Variants in MACROD2 observed in about 807,000 individuals in gnomAD.
The protein encoded by MACROD2 is mono-ADP ribosylhydrolase 2, also known as ADP-ribose glycohydrolase MACROD2.
MACROD2 carries 36 observed loss-of-function variants against 70.4 expected under a neutral mutation model. The ratio of observed to expected loss-of-function variants is 0.51; its 90% CI spans 0.39 to 0.68. MACROD2 has a LOEUF of 0.68. Among genes scored for constraint, MACROD2 ranks in the 30% least tolerant of loss-of-function variants. The pLI is 0.00. For missense variants in MACROD2, 496 were observed against 538.4 expected, an observed-to-expected ratio of 0.92 and a Z score of 0.78; for synonymous variants, 172 against 178.8, an observed-to-expected ratio of 0.96 and a Z score of 0.30.
At chr20:14,891,584 T>C (rs541053950) in intron 5 of MACROD2, among the ~76,000 whole-genome samples, 1 of 152,304 alleles carries the variant, frequency 6.6e-6, no homozygotes, top group African/African-American at 2.4e-5. Flanking sequence ...TTGGTTTCAT[T>C]TTCTATGCTC....
chr20:15,048,106 A>AAATC, intron 5 of MACROD2, among the ~76,000 whole-genome samples: 1 of 150,486 alleles, frequency 6.6e-6, no homozygotes, highest in Non-Finnish European at 1.5e-5. Flanking sequence ...TCTAGTAAAT[A>AAATC]AATAAATAAA....
intron 5 of MACROD2, among the ~76,000 whole-genome samples, chr20:15,171,965 A>G (rs1042504604): frequency 4.6e-5 from 7 of 152,228 alleles, no homozygotes; most frequent in Non-Finnish European, 8.8e-5. Flanking sequence ...TAAATAAATG[A>G]GTGAATGAAT....
At chr20:15,710,015 A>G (rs968643541) in intron 8 of MACROD2, among the ~76,000 whole-genome samples, 3 of 152,086 alleles carry the variant, frequency 2.0e-5, no homozygotes, top group Admixed American at 6.5e-5. Flanking sequence ...TTTAGCTTCT[A>G]CAGACTCTGA....
At chr20:14,793,215 A>G (rs2072470633) in intron 5 of MACROD2, among the ~76,000 whole-genome samples, 1 of 151,872 alleles carries the variant, frequency 6.6e-6, no homozygotes, top group Non-Finnish European at 1.5e-5. Context: ...GGAAGAATAT[A>G]TCTTTATCAG....
chr20:14,175,076 G>A, intron 3 of MACROD2, among the ~76,000 whole-genome samples: 1 of 152,146 alleles, frequency 6.6e-6, no homozygotes, highest in Non-Finnish European at 1.5e-5. Context: ...TTCTTCAAAG[G>A]GTCTCTGGAT....
chr20:14,465,576 A>T (rs1252628630), intron 3 of MACROD2, among the ~76,000 whole-genome samples: 1 of 152,048 alleles, frequency 6.6e-6, no homozygotes, highest in African/African-American at 2.4e-5. Flanking sequence ...TCCTGTCATT[A>T]TGATGTTAGC....
chr20:15,771,047 C>T (rs2051616108), intron 8 of MACROD2, among the ~76,000 whole-genome samples: 1 of 152,104 alleles, frequency 6.6e-6, no homozygotes, highest in Non-Finnish European at 1.5e-5. Flanking sequence ...TTTCCACATT[C>T]TGCTACAAAT....
At chr20:14,167,535 C>G (rs1033492810) in intron 3 of MACROD2, among the ~76,000 whole-genome samples, 3 of 151,850 alleles carry the variant, frequency 2.0e-5, no homozygotes, top group African/African-American at 4.8e-5. Context: ...AGGCGCCCAC[C>G]ACCATGCCCA....
At chr20:15,822,444 G>A (rs1360652012) in intron 8 of MACROD2, among the ~76,000 whole-genome samples, 1 of 152,064 alleles carries the variant, frequency 6.6e-6, no homozygotes, top group Non-Finnish European at 1.5e-5. Context: ...AATATACCAT[G>A]TTTGAAGTCA....
At position 14,614,429 on chromosome 20, in the gene MACROD2, CTGGGAGCAATTGAAAT is replaced by C. The variant is rs1983356618; in HGVS notation, c.302-70402_302-70387del. Among the ~76,000 whole-genome samples, 6 of 152,048 alleles carry C rather than the reference CTGGGAGCAATTGAAAT, an allele frequency of 3.9e-5. No homozygotes were observed. In the South Asian group the frequency reaches 1.2e-3, roughly 32 times the overall value. Reference sequence around the variant, plus strand: ...GAATCTTTGGGGGTGGGGCCCAGTACTGGGAGCAATTGAAATTGGGAGCAATTATTGAAATTGCTGA... The same window carrying C: ...GAATCTTTGGGGGTGGGGCCCAGTACTGGGAGCAATTATTGAAATTGCTGA... On this transcript the variant is annotated intron_variant, in intron 4 of 17. Transcript: ENST00000684519.
chr20:15,889,795 C>T (rs1457593107), intron 10 of MACROD2, among the ~76,000 whole-genome samples: 3 of 152,172 alleles, frequency 2.0e-5, no homozygotes, highest in Non-Finnish European at 4.4e-5. Context: ...CAGCTGGATG[C>T]ACAGTTGAGT....
intron 3 of MACROD2, among the ~76,000 whole-genome samples, chr20:14,488,328 G>A (rs1270123920): frequency 4.6e-5 from 7 of 152,128 alleles, no homozygotes; most frequent in Non-Finnish European, 1.0e-4. Flanking sequence ...TTTTGTAACT[G>A]AGCCAGTATT....
intron 4 of MACROD2, among the ~76,000 whole-genome samples, chr20:14,625,639 C>T (rs1984103241): frequency 6.6e-6 from 1 of 152,138 alleles, no homozygotes; most frequent in African/African-American, 2.4e-5. Context: ...CTGCTGTTGC[C>T]AAATGCCTAA....
intron 7 of MACROD2, among the ~76,000 whole-genome samples, chr20:15,485,808 G>A (rs2047156330): frequency 6.6e-6 from 1 of 152,106 alleles, no homozygotes; most frequent in African/African-American, 2.4e-5. Flanking sequence ...ATTTCTCTAG[G>A]CATTTTCAGG....
chr20:13,995,899 C>A lies in MACROD2; in HGVS notation c.46+90C>A. The A allele has an allele frequency of 1.4e-6, 2 of 1,453,260 alleles. No homozygotes were observed. The highest frequency in any genetic ancestry group is 1.2e-5 in the South Asian group (1 of 81,812). 90.0% of individuals were successfully genotyped at this position (1,453,260 alleles called of 1,614,324 possible). A position where few individuals can be genotyped will look rare whatever the true frequency, so the allele number is the denominator to read the frequency against. The stretch of plus-strand genomic sequence containing the variant: ...CTGTGTGTGCCGCGGCGCCCTCCGC[C>A]CGAGCTCCCGCCTCGCGCCCTCCCG... On this transcript the variant is annotated intron_variant, in intron 1 of 17. Coordinates refer to ENST00000684519, the MANE Select transcript of MACROD2 (RefSeq NM_001351661.2). The surrounding 1 kb of genome is among the most constrained non-coding windows in gnomAD (Gnocchi z 4.3).
intron 8 of MACROD2, among the ~76,000 whole-genome samples, chr20:15,545,075 C>T (rs2048009092): frequency 6.6e-6 from 1 of 152,154 alleles, no homozygotes; most frequent in African/African-American, 2.4e-5. Flanking sequence ...TTTCACATCC[C>T]TGACATGTAG....
At chr20:15,945,558 G>A (rs1233706887) in intron 12 of MACROD2, among the ~76,000 whole-genome samples, 2 of 152,216 alleles carry the variant, frequency 1.3e-5, no homozygotes, top group Non-Finnish European at 2.9e-5. Context: ...GCTTTCAGCA[G>A]TATGTGTTTT....
chr20:14,355,244 A>T (rs2083161532), intron 3 of MACROD2, among the ~76,000 whole-genome samples: 1 of 152,214 alleles, frequency 6.6e-6, no homozygotes, highest in Non-Finnish European at 1.5e-5. Context: ...TCATTAACAA[A>T]ATTAACATAA....
At chr20:14,024,514 C>T (rs922891577) in intron 2 of MACROD2, among the ~76,000 whole-genome samples, 1 of 152,150 alleles carries the variant, frequency 6.6e-6, no homozygotes, top group Non-Finnish European at 1.5e-5. Context: ...ATGATATTGG[C>T]TGTGGGTTTG....
Sources: gnomAD v4.1 joint callset for allele counts (sites outside exome capture counted in the v4.1 genomes callset) on GRCh38, gnomAD v4.1.1 for gene constraint, Gnocchi (gnomAD v3.1) non-coding constraint, MANE v1.5 for transcripts, NCBI Gene and HGNC (gene_info 2026-07-23, HGNC 2026-07-21) for gene names.